TSHZ3: variants seen among roughly 807,000 people sequenced by gnomAD.
TSHZ3 encodes the protein teashirt homolog 3.
In TSHZ3, 10 loss-of-function variants were observed where a neutral mutation model predicts 64.5. That is an observed-to-expected ratio of 0.16 (90% CI 0.10 to 0.26). The LOEUF (loss-of-function observed/expected upper bound fraction) is 0.26. TSHZ3 is among the 10% of genes least tolerant of loss of function. The pLI is 1.00. For missense variants in TSHZ3, 1,242 were observed against 1,421.7 expected (o/e 0.87, Z 2.03); for synonymous variants, 608 against 593.1 (o/e 1.03, Z -0.36).
chr19:31,289,450 A>G (rs76236075), intron 1 of TSHZ3, among the ~76,000 whole-genome samples: 9,954 of 152,280 alleles, frequency 0.065, 430 homozygotes, highest in Non-Finnish European at 0.1. Context: ...GAGGGCAAGG[A>G]AAGGAGGCAA....
intron 5 of TSHZ3, among the ~76,000 whole-genome samples, chr19:31,203,223 A>G (rs1029793876): frequency 8.5e-5 from 13 of 152,150 alleles, no homozygotes; most frequent in Admixed American, 7.2e-4. Context: ...AGGAAACACC[A>G]TGTATGAATG....
intron 4 of TSHZ3, among the ~76,000 whole-genome samples, chr19:31,220,408 AAGTT>A (rs142244593): frequency 0.011 from 1,675 of 152,318 alleles, 31 homozygotes; most frequent in African/African-American, 0.037. Context: ...GACAGGTTGT[AAGTT>A]AGACAGCAAC....
intron 5 of TSHZ3, among the ~76,000 whole-genome samples, chr19:31,198,176 C>G (rs539320279): frequency 1.3e-5 from 2 of 152,220 alleles, no homozygotes; most frequent in South Asian, 4.1e-4. Flanking sequence ...TCTACCACAT[C>G]AGCAAGCTAA....
chr19:31,199,603 C>G (rs1183947409), intron 5 of TSHZ3, among the ~76,000 whole-genome samples: 2 of 149,682 alleles, frequency 1.3e-5, no homozygotes, highest in Non-Finnish European at 3.0e-5. Flanking sequence ...GAATTTGAAA[C>G]CACTAAACTC....
chr19:31,323,254 C>T (rs1018284700), intron 1 of TSHZ3, among the ~76,000 whole-genome samples: 1 of 152,214 alleles, frequency 6.6e-6, no homozygotes, highest in Non-Finnish European at 1.5e-5. Context: ...GAGCATGCTG[C>T]CACCGTAGAT....
chr19:31,192,756 T>C (rs1426386396), intron 5 of TSHZ3, among the ~76,000 whole-genome samples: 4 of 152,350 alleles, frequency 2.6e-5, no homozygotes, highest in South Asian at 2.1e-4. Context: ...AACTCTTATG[T>C]TGACGCAAAC....
chr19:31,170,703 A>C (rs1046651534), intron 5 of TSHZ3, among the ~76,000 whole-genome samples: 11 of 152,360 alleles, frequency 7.2e-5, no homozygotes, highest in African/African-American at 2.6e-4. Flanking sequence ...TTTTGAAAAG[A>C]TGTTTCCCCA....
intron 3 of TSHZ3, among the ~76,000 whole-genome samples, chr19:31,229,781 A>G (rs1341168495): frequency 6.6e-6 from 1 of 152,212 alleles, no homozygotes; most frequent in Non-Finnish European, 1.5e-5. Flanking sequence ...AAAATTCACA[A>G]AGGAAGTACT....
chr19:31,189,928 T>C (rs2145136550), intron 5 of TSHZ3, among the ~76,000 whole-genome samples: 1 of 152,326 alleles, frequency 6.6e-6, no homozygotes, highest in South Asian at 2.1e-4. Context: ...TTCTTCTTTT[T>C]AAATTACCCA....
At chr19:31,338,866 G>T (rs1235843940) in intron 1 of TSHZ3, among the ~76,000 whole-genome samples, 2 of 149,270 alleles carry the variant, frequency 1.3e-5, no homozygotes, top group Non-Finnish European at 3.0e-5. Flanking sequence ...CAGTGGGGGA[G>T]TCTTCTGTAT....
chr19:31,196,632 G>T lies in TSHZ3; in HGVS notation n.809+8324C>A, dbSNP rs1974997668. Among the ~76,000 whole-genome samples the T allele has an allele frequency of 1.3e-5, 2 of 151,884 alleles. 1 individual carries two copies. Among genetic ancestry groups the T allele is most frequent in the South Asian group, 4.1e-4 (2 of 4,828 alleles). ...GATTAAAAGTAAATGGATGGAGAAAGACATACCATGCTAACACTAATCAAA... is the reference window on the plus strand; with the variant it reads ...GATTAAAAGTAAATGGATGGAGAAATACATACCATGCTAACACTAATCAAA... On this transcript the variant is annotated intron_variant and non_coding_transcript_variant, in intron 5 of 6. Coordinates refer to the TSHZ3 transcript ENST00000651361.
chr19:31,200,042 G>A (rs1599578041), intron 5 of TSHZ3, among the ~76,000 whole-genome samples: 1 of 152,018 alleles, frequency 6.6e-6, no homozygotes, highest in East Asian at 1.9e-4. Context: ...TATTCGAATG[G>A]CTAAAATGGG....
intron 1 of TSHZ3, among the ~76,000 whole-genome samples, chr19:31,287,503 C>A (rs35435920): frequency 2.6e-5 from 4 of 151,526 alleles, no homozygotes; most frequent in Admixed American, 2.6e-4. Context: ...AAGAAAGGAC[C>A]GAAGAGGGAA....
rs1599626852 is a variant in TSHZ3, at chr19:31,287,070, T to C, written c.41-7318A>G. 7.9e-5 allele frequency among the ~76,000 whole-genome samples: 12 copies of C among 152,234 alleles called. No homozygotes were observed. The South Asian group carries it at 2.5e-3, about 32-fold the overall frequency. ...ATTACTTTCATCACACAGTTAGGAA[T>C]CTCTCCCAAAAGATAAAGAGGAAGT... On this transcript the variant is annotated intron_variant, in intron 1 of 1. Transcript: ENST00000240587.
At position 31,279,666 on chromosome 19, in the gene TSHZ3, C is replaced by A; in HGVS notation, c.127G>T (p.Ala43Ser). ...TCCTTCTCCGGGCACATGTACTTGG[C>A]CGAGGGCTCTCCATCTGCCGTATGC... Reference protein sequence around the residue: ...EEHTADGEPSAKYMCPEKELA... With the variant: ...EEHTADGEPSSKYMCPEKELA... Residue 43 changes from alanine (A) to serine (S), a missense_variant, in exon 2 of 2, where the codon GCC (alanine) becomes TCC (serine). Ala to Ser is a moderately conservative substitution (Grantham distance 99, BLOSUM62 1). Transcript: ENST00000240587. The surrounding 1 kb of genome is among the most constrained non-coding windows in gnomAD (Gnocchi z 6.4). The A allele has an allele frequency of 1.3e-6, 2 of 1,596,896 alleles. No individual in the cohort carries two copies. The highest frequency in any genetic ancestry group is 1.1e-5 in the South Asian group (1 of 88,538).
intron 1 of TSHZ3, among the ~76,000 whole-genome samples, chr19:31,300,283 A>G (rs1976732169): frequency 6.6e-6 from 1 of 152,216 alleles, no homozygotes; most frequent in Non-Finnish European, 1.5e-5. Context: ...ATCTATTGAG[A>G]TAGATTAAAG....
At position 31,341,629 on chromosome 19, in the gene TSHZ3, TGA is replaced by T. The variant is rs1491119810; in HGVS notation, c.40+7549_40+7550del. 6.9e-4 allele frequency among the ~76,000 whole-genome samples: 62 copies of T among 89,630 alleles called. No individual in the cohort carries two copies. The East Asian group carries it at 0.02, about 28-fold the overall frequency. The allele number at this position is 89,630 out of a possible 152,430, so 58.8% of individuals were successfully genotyped here. ...CACTCACTCTCTCTCTCTCTCTCTC[TGA>T]CACACACACACACACACACACACAC... On this transcript the variant is annotated intron_variant, in intron 1 of 1. Transcript: ENST00000240587.
At chr19:31,170,042 A>G (rs1974514870) in intron 5 of TSHZ3, among the ~76,000 whole-genome samples, 1 of 152,230 alleles carries the variant, frequency 6.6e-6, no homozygotes, top group South Asian at 2.1e-4. Flanking sequence ...ATGTAGCATG[A>G]ATGTTTTGAA....
chr19:31,328,600 G>A (rs2145177816), intron 1 of TSHZ3, among the ~76,000 whole-genome samples: 1 of 152,324 alleles, frequency 6.6e-6, no homozygotes, highest in East Asian at 1.9e-4. Context: ...AGGAATGGCG[G>A]GTTAAATCTT....
Sources: allele counts gnomAD v4.1 joint callset (sites outside exome capture counted in the v4.1 genomes callset), GRCh38; gene constraint gnomAD v4.1.1; non-coding constraint Gnocchi (gnomAD v3.1); transcripts MANE v1.5; gene names NCBI Gene and HGNC (gene_info 2026-07-23, HGNC 2026-07-21).